Variants in COL1A2 observed in about 807,000 individuals in gnomAD.
COL1A2 encodes collagen type I alpha 2 chain, also known as collagen alpha-2(I) chain.
A neutral mutation model predicts 174.3 loss-of-function variants in COL1A2; 49 were observed. The observed-to-expected ratio is 0.28, with a 90% CI of 0.22 to 0.36. The LOEUF is 0.36. COL1A2 is among the 10% of genes least tolerant of loss of function. The pLI is 1.00. For missense variants in COL1A2, 1,438 were observed against 1,822.7 expected (o/e 0.79, Z 3.84); for synonymous variants, 655 against 606.6 (o/e 1.08, Z -1.17).
In COL1A2 at chr7:94,423,035, G is replaced by C; in HGVS notation, c.2482G>C (p.Val828Leu). The stretch of plus-strand genomic sequence containing the variant: ...TGGTCCTCGTGGTGACCAAGGTCCA[G>C]TTGGCCGAACTGGAGAAGTAGGTGC... ...LRGPRGDQGP[V>L]GRTGEVGAVG... Residue 828 changes from valine (V) to leucine (L), a missense_variant, in exon 40 of 52, where the codon GTT becomes CTT. Transcript: ENST00000297268. 1 of 1,614,200 alleles carries C rather than the reference G, an allele frequency of 6.2e-7. No individual in the cohort carries two copies. The highest frequency in any genetic ancestry group is 8.5e-7 in the Non-Finnish European group (1 of 1,180,022).
At chr7:94,405,106 T>G in intron 9 of COL1A2, 93 bp from the exon 10 acceptor site, 1 of 1,321,898 alleles carries the variant, frequency 7.6e-7, no homozygotes, top group Admixed American at 1.8e-5. Flanking sequence ...TTTTATGTGA[T>G]AACTTTCTCC....
intron 51 of COL1A2, chr7:94,429,700 G>T: frequency 2.6e-6 from 1 of 382,218 alleles, no homozygotes; most frequent in Non-Finnish European, 4.7e-6. Flanking sequence ...CTATGTCCAT[G>T]CATTGTTTTT....
rs560637437 is a variant in COL1A2, at chr7:94,412,952, C to T, written c.1504-131C>T. ...ATGGTGATGGATCATCCTTAGATAACAGAAACCACAGACTAGGGATCTCAA... is the reference window on the plus strand; with the variant it reads ...ATGGTGATGGATCATCCTTAGATAATAGAAACCACAGACTAGGGATCTCAA... On this transcript the variant is annotated intron_variant, in intron 25 of 51. Coordinates refer to ENST00000297268, the MANE Select transcript of COL1A2 (RefSeq NM_000089.4). 38 of 913,906 alleles carry T rather than the reference C, an allele frequency of 4.2e-5. No individual in the cohort carries two copies. The Admixed American group carries it at 6.7e-4, about 16-fold the overall frequency. The allele number at this position is 913,906 out of a possible 1,614,324, so 56.6% of individuals were successfully genotyped here.
rs111529169 is a variant in COL1A2 at position 94,419,573 on chromosome 7, G to C, written c.2079+22G>C. 1,149 of 1,613,852 alleles carry C rather than the reference G, an allele frequency of 7.1e-4. 6 individuals are homozygous for C. In the African/African-American group the frequency reaches 0.013, roughly 19 times the overall value. ...CCGGGTAAGCATGCATTTTCACTAA[G>C]CCAACAGCAATATCTAAAATTTCCC... On this transcript the variant is annotated intron_variant, in intron 34 of 51. Coordinates refer to ENST00000297268, the MANE Select transcript of COL1A2 (RefSeq NM_000089.4).
At chr7:94,423,195 G>A (rs376463176) in intron 40 of COL1A2, 77 bp downstream of exon 40, 9 of 1,549,008 alleles carry the variant, frequency 5.8e-6, no homozygotes, top group Middle Eastern at 2.1e-4. Flanking sequence ...TCTTCAAGTG[G>A]CATCTATTTG....
chr7:94,429,647 G>C (rs910685970), intron 51 of COL1A2: 1 of 535,850 alleles, frequency 1.9e-6, no homozygotes, highest in Non-Finnish European at 3.3e-6. Flanking sequence ...TAAATTCAGA[G>C]TATTCTTATC....
chr7:94,411,932 A>G (rs1791936629), intron 23 of COL1A2, 136 bp from the exon 24 acceptor site: 1 of 715,566 alleles, frequency 1.4e-6, no homozygotes, highest in Non-Finnish European at 2.5e-6. Context: ...GCTAGTGGCT[A>G]ATATTCCTAA....
In COL1A2 at chr7:94,427,810, A is replaced by G; in HGVS notation, c.3451A>G (p.Thr1151Ala). 6.2e-7 allele frequency: 1 copy of G among 1,613,948 alleles called. No individual in the cohort carries two copies. The highest frequency in any genetic ancestry group is 8.5e-7 in the Non-Finnish European group (1 of 1,179,926). The change falls in exon 49 of 52, where the codon ACT becomes GCT. Residue 1151 changes from threonine (T) to alanine (A), a missense_variant. Thr to Ala is a moderately conservative substitution (Grantham distance 58). Transcript: ENST00000297268. ...SLNNQIETLL[T>A]PEGSRKNPAR... Reference sequence around the variant, plus strand: ...CAACAACCAGATTGAGACCCTTCTTACTCCTGAAGGCTCTAGAAAGAACCC... The same window carrying G: ...CAACAACCAGATTGAGACCCTTCTTGCTCCTGAAGGCTCTAGAAAGAACCC...
At chr7:94,406,324 A>C (rs761843510) in intron 12 of COL1A2, 21 bp downstream of exon 12, 15 of 1,612,702 alleles carry the variant, frequency 9.3e-6, no homozygotes, top group Non-Finnish European at 1.1e-5. Context: ...AATTAGAAGC[A>C]CTGTTTTTAA....
chr7:94,409,948 A>G, intron 19 of COL1A2, 127 bp downstream of exon 19: 2 of 924,490 alleles, frequency 2.2e-6, no homozygotes, highest in East Asian at 2.6e-5. Flanking sequence ...TTTTTAGTTT[A>G]TATTTCTTAT....
At chr7:94,420,671 C>G (rs1329886355) in intron 37 of COL1A2, 23 bp downstream of exon 37, 26 of 1,559,574 alleles carry the variant, frequency 1.7e-5, no homozygotes, top group Non-Finnish European at 2.2e-5. Context: ...CACTGGTGGT[C>G]CACACAGCAG....
chr7:94,398,191 A>T (rs1164152415), intron 2 of COL1A2, among the ~76,000 whole-genome samples, 191 bp from the exon 3 acceptor site: 1 of 152,188 alleles, frequency 6.6e-6, no homozygotes, highest in African/African-American at 2.4e-5. Context: ...TTTGTTCTGT[A>T]GGTACATATT....
chr7:94,412,010 A>G (rs1791938472), intron 23 of COL1A2, 58 bp from the exon 24 acceptor site: 1 of 1,447,438 alleles, frequency 6.9e-7, no homozygotes. Flanking sequence ...CAGTTAATCT[A>G]AGGCTTGAGT....
In COL1A2 at chr7:94,430,712, T is replaced by C; in HGVS notation, c.*319T>C. Reference sequence around the variant, plus strand: ...AAACCATAAACATTTGCACCACTTGTGGCTTTTGAATATCTTCCACAGAGG... The same window carrying C: ...AAACCATAAACATTTGCACCACTTGCGGCTTTTGAATATCTTCCACAGAGG... On this transcript the variant is annotated 3_prime_UTR_variant, in exon 52 of 52. Coordinates refer to ENST00000297268, the MANE Select transcript of COL1A2 (RefSeq NM_000089.4). 1 of 314,202 alleles carries C rather than the reference T, an allele frequency of 3.2e-6. No individual in the cohort carries two copies. Among genetic ancestry groups the C allele is most frequent in the Non-Finnish European group, 6.0e-6 (1 of 167,372 alleles). 19.5% of individuals were successfully genotyped at this position (314,202 alleles called of 1,614,324 possible).
chr7:94,420,276 G>A lies in COL1A2; in HGVS notation c.2123G>A (p.Arg708Gln), dbSNP rs72658163. 1.2e-3 allele frequency: 1,934 copies of A among 1,613,784 alleles called. 1 individual carries two copies. The highest frequency in any genetic ancestry group is 1.5e-3 in the Non-Finnish European group (1,770 of 1,179,984). The change falls in exon 35 of 52, where the codon CGG becomes CAG. Residue 708 changes from arginine (R) to glutamine (Q), a missense_variant. Physicochemically the swap from Arg to Gln is conservative, Grantham distance 43. This residue lies in a region of COL1A2 where 867 missense variants were observed against 1,213.7 expected (regional missense o/e 0.71). Coordinates refer to ENST00000297268, the MANE Select transcript of COL1A2 (RefSeq NM_000089.4). Reference sequence around the variant, plus strand: ...GGTCCTGCTGGTCCTGCTGGTCCTCGGGGAAGCCCTGTAAGTAAGAACCTG... The same window carrying A: ...GGTCCTGCTGGTCCTGCTGGTCCTCAGGGAAGCCCTGTAAGTAAGAACCTG... ...AAGPAGPAGP[R>Q]GSPGERGEVG...
intron 30 of COL1A2, among the ~76,000 whole-genome samples, 178 bp from the exon 31 acceptor site, chr7:94,416,227 G>A (rs1792039520): frequency 6.6e-6 from 1 of 152,210 alleles, no homozygotes; most frequent in Non-Finnish European, 1.5e-5. Flanking sequence ...ACACTTTAGA[G>A]AATATCTCAT....
intron 41 of COL1A2, chr7:94,424,817 A>G: frequency 2.1e-6 from 1 of 479,318 alleles, no homozygotes; most frequent in Non-Finnish European, 3.8e-6. Flanking sequence ...ACAACTAGAA[A>G]CCATCTCATC....
chr7:94,412,374 G>C (rs752407885), intron 24 of COL1A2, among the ~76,000 whole-genome samples: 1 of 151,516 alleles, frequency 6.6e-6, no homozygotes, highest in Non-Finnish European at 1.5e-5. Flanking sequence ...AAGGGAATGA[G>C]GGAAATTGCA....
chr7:94,405,400 A>T, intron 10 of COL1A2, 148 bp downstream of exon 10: 1 of 754,834 alleles, frequency 1.3e-6, no homozygotes, highest in African/African-American at 1.8e-5. Flanking sequence ...AAGCCTAGTT[A>T]AAAAAAAATG....
Sources: allele counts gnomAD v4.1 joint callset (sites outside exome capture counted in the v4.1 genomes callset), GRCh38; gene constraint gnomAD v4.1.1; regional missense constraint gnomAD v4.1.1; transcripts MANE v1.5; gene names NCBI Gene and HGNC (gene_info 2026-07-23, HGNC 2026-07-21).